Variants in UBAC2 observed in about 807,000 individuals in gnomAD.
UBAC2 encodes UBA domain containing 2.
In UBAC2, 26 loss-of-function variants were observed where a neutral mutation model predicts 44.0. That is an observed-to-expected ratio of 0.59 (90% CI 0.43 to 0.82). The LOEUF (loss-of-function observed/expected upper bound fraction) is 0.82. Ranked by LOEUF, UBAC2 falls within the 40% of genes least tolerant of loss-of-function variation. The pLI, the probability that UBAC2 is intolerant of heterozygous loss-of-function variation, is 0.00. For missense variants in UBAC2, 329 were observed against 419.4 expected, an observed-to-expected ratio of 0.78 and a Z score of 1.88; for synonymous variants, 155 against 154.3, an observed-to-expected ratio of 1.00 and a Z score of -0.04.
At chr13:99,232,741 G>C (rs2043189970) in intron 1 of UBAC2, among the ~76,000 whole-genome samples, 1 of 151,874 alleles carries the variant, frequency 6.6e-6, no homozygotes, top group Non-Finnish European at 1.5e-5. Context: ...GGGCCACATG[G>C]CAAAACCCTG....
chr13:99,321,748 C>T (rs750019559), intron 6 of UBAC2, among the ~76,000 whole-genome samples: 1 of 152,024 alleles, frequency 6.6e-6, no homozygotes, highest in African/African-American at 2.4e-5. Flanking sequence ...GTAAGTTGAC[C>T]ACTTTTTATC....
chr13:99,218,223 T>A (rs1243185541), intron 1 of UBAC2, among the ~76,000 whole-genome samples: 1 of 152,238 alleles, frequency 6.6e-6, no homozygotes, highest in Non-Finnish European at 1.5e-5. Flanking sequence ...TTAATGTTTG[T>A]ATAAAATCTC....
chr13:99,221,800 C>T (rs1012101239), intron 1 of UBAC2, among the ~76,000 whole-genome samples: 1 of 152,156 alleles, frequency 6.6e-6, no homozygotes, highest in Non-Finnish European at 1.5e-5. Context: ...TGACAGTGCC[C>T]TTCTTTGGAC....
Position 99,351,507 on chromosome 13 carries a change from G to A in UBAC2, c.807+10942G>A, listed in dbSNP as rs1315849843. 3 of 456,656 alleles carry A rather than the reference G, an allele frequency of 6.6e-6. No individual in the cohort carries two copies. The Admixed American group carries it at 7.0e-5, about 11-fold the overall frequency. 28.3% of individuals were successfully genotyped at this position (456,656 alleles called of 1,614,324 possible). A position where few individuals can be genotyped will look rare whatever the true frequency, so the allele number is the denominator to read the frequency against. ...AGAAAAATATTTGCCAGTCCCTGCT[G>A]TAGAAGGTTATATAGCCAGCAGCTT... On this transcript the variant is annotated intron_variant, in intron 7 of 8. Coordinates refer to ENST00000403766, the MANE Select transcript of UBAC2 (RefSeq NM_001144072.2).
intron 4 of UBAC2, among the ~76,000 whole-genome samples, chr13:99,257,284 A>G (rs1008922558): frequency 5.9e-5 from 9 of 152,240 alleles, no homozygotes; most frequent in African/African-American, 1.9e-4. Flanking sequence ...AGTGTCATTC[A>G]AAGGAGAGTA....
At chr13:99,319,510 T>C (rs1287963486) in intron 6 of UBAC2, among the ~76,000 whole-genome samples, 3 of 152,194 alleles carry the variant, frequency 2.0e-5, no homozygotes, top group African/African-American at 4.8e-5. Context: ...CTCTCTGTAT[T>C]ATTCCTTTTC....
intron 4 of UBAC2, among the ~76,000 whole-genome samples, chr13:99,287,643 CTTTTTTTTTTT>C (rs11304203): frequency 1.1e-5 from 1 of 95,152 alleles, no homozygotes; most frequent in Non-Finnish European, 2.0e-5. Context: ...TTTTTTCTTT[CTTTTTTTTTTT>C]TTTTTTTTTT....
intron 4 of UBAC2, among the ~76,000 whole-genome samples, chr13:99,305,948 T>C (rs2044327519): frequency 6.6e-6 from 1 of 152,088 alleles, no homozygotes; most frequent in Non-Finnish European, 1.5e-5. Flanking sequence ...CAGGCTAGAG[T>C]GCAGTGGCGC....
At chr13:99,232,060 T>C (rs907679251) in intron 1 of UBAC2, among the ~76,000 whole-genome samples, 8 of 152,178 alleles carry the variant, frequency 5.3e-5, no homozygotes, top group Non-Finnish European at 1.2e-4. Flanking sequence ...CATGTCTACA[T>C]GTGTATTTAT....
chr13:99,339,002 C>T (rs1214325546), intron 6 of UBAC2, among the ~76,000 whole-genome samples: 1 of 152,148 alleles, frequency 6.6e-6, no homozygotes, highest in Admixed American at 6.5e-5. Flanking sequence ...CTCTCTTCTG[C>T]TGTGTCTCCT....
intron 1 of UBAC2, among the ~76,000 whole-genome samples, chr13:99,223,343 A>G (rs1269563441): frequency 6.6e-6 from 1 of 151,950 alleles, no homozygotes; most frequent in African/African-American, 2.4e-5. Flanking sequence ...CCTGATACTG[A>G]TAATTGTGTC....
intron 8 of UBAC2, among the ~76,000 whole-genome samples, chr13:99,370,537 C>A (rs1273266234): frequency 1.3e-5 from 2 of 152,214 alleles, no homozygotes; most frequent in Non-Finnish European, 1.5e-5. Flanking sequence ...CATTTCACAG[C>A]TGACCACACC....
chr13:99,252,455 T>G (rs2043470051), intron 4 of UBAC2, among the ~76,000 whole-genome samples: 1 of 152,226 alleles, frequency 6.6e-6, no homozygotes, highest in South Asian at 2.1e-4. Context: ...GACCTGTTCA[T>G]TTCTTTTTCT....
intron 6 of UBAC2, among the ~76,000 whole-genome samples, chr13:99,326,383 T>C (rs555281844): frequency 6.6e-6 from 1 of 152,328 alleles, no homozygotes; most frequent in Admixed American, 6.5e-5. Context: ...TTTTTAAAAC[T>C]AGGTTATTAG....
chr13:99,366,646 T>C (rs2138892912), intron 7 of UBAC2, among the ~76,000 whole-genome samples: 1 of 152,222 alleles, frequency 6.6e-6, no homozygotes, highest in South Asian at 2.1e-4. Flanking sequence ...TTCATCCCTT[T>C]CGCTGAGGGT....
At chr13:99,374,834 C>T (rs1338578020) in intron 8 of UBAC2, among the ~76,000 whole-genome samples, 7 of 152,196 alleles carry the variant, frequency 4.6e-5, no homozygotes, top group Non-Finnish European at 8.8e-5. Context: ...CCATGTCTGC[C>T]TTGTTTGCTA....
At chr13:99,232,772 CA>C (rs2043190415) in intron 1 of UBAC2, among the ~76,000 whole-genome samples, 1 of 151,678 alleles carries the variant, frequency 6.6e-6, no homozygotes, top group Non-Finnish European at 1.5e-5. Context: ...CACAAAAAAA[CA>C]AAAACAACGA....
chr13:99,293,721 G>A (rs116115728), intron 4 of UBAC2, among the ~76,000 whole-genome samples: 185 of 152,266 alleles, frequency 1.2e-3, no homozygotes, highest in African/African-American at 4.4e-3. Context: ...GAATATACTA[G>A]TAAATGGTGT....
chr13:99,216,211 C>T (rs756818032), intron 1 of UBAC2, among the ~76,000 whole-genome samples: 8 of 152,070 alleles, frequency 5.3e-5, no homozygotes, highest in Non-Finnish European at 1.2e-4. Context: ...AAGGGGTTCT[C>T]ATTCCTCAGC....
Sources: gnomAD v4.1 joint callset for allele counts (sites outside exome capture counted in the v4.1 genomes callset) on GRCh38, gnomAD v4.1.1 for gene constraint, MANE v1.5 for transcripts, NCBI Gene and HGNC (gene_info 2026-07-23, HGNC 2026-07-21) for gene names.